The following CTCF variants were observed in gnomAD, a reference collection of about 807,000 sequenced individuals.
The protein encoded by CTCF is transcriptional repressor CTCF.
Under a neutral mutation model 72.3 loss-of-function variants are expected in CTCF, and 7 were observed. That is an observed-to-expected ratio of 0.10 (90% CI 0.06 to 0.18). The LOEUF (loss-of-function observed/expected upper bound fraction) is 0.18. CTCF is among the 10% of genes least tolerant of loss of function. CTCF has a pLI of 1.00. For synonymous variants in CTCF, 374 were observed against 315.8 expected (o/e 1.18, Z -1.95); for missense variants, 516 against 949.1 (o/e 0.54, Z 6.00).
chr16:67,569,746 C>T (rs929869691), intron 1 of CTCF, among the ~76,000 whole-genome samples: 1 of 150,722 alleles, frequency 6.6e-6, no homozygotes. Flanking sequence ...AGTGCAGTGG[C>T]GCGATCTCGG....
At chr16:67,591,315 C>T (rs1478227166) in intron 2 of CTCF, among the ~76,000 whole-genome samples, 4 of 152,046 alleles carry the variant, frequency 2.6e-5, no homozygotes, top group Non-Finnish European at 4.4e-5. Flanking sequence ...AAATTAATGT[C>T]AGAGAAGTGA....
chr16:67,623,925 G>A (rs1484782671), intron 7 of CTCF, among the ~76,000 whole-genome samples: 2 of 151,658 alleles, frequency 1.3e-5, no homozygotes, highest in Non-Finnish European at 2.9e-5. Flanking sequence ...GCACATGCCT[G>A]TAGTCCCAGG....
intron 1 of CTCF, among the ~76,000 whole-genome samples, chr16:67,569,654 C>G (rs1163098248): frequency 1.3e-5 from 2 of 151,266 alleles, no homozygotes; most frequent in African/African-American, 2.4e-5. Context: ...CTAGGATTTT[C>G]AAAGGTCAGT....
chr16:67,569,073 T>C (rs1335165668), intron 1 of CTCF, among the ~76,000 whole-genome samples: 1 of 152,048 alleles, frequency 6.6e-6, no homozygotes, highest in Non-Finnish European at 1.5e-5. Flanking sequence ...ACTCCTGACC[T>C]TGTGATCCGC....
chr16:67,621,902 G>C (rs1295959590), intron 7 of CTCF, among the ~76,000 whole-genome samples: 1 of 152,048 alleles, frequency 6.6e-6, no homozygotes, highest in African/African-American at 2.4e-5. Flanking sequence ...CCCCAAATAG[G>C]AAAGTAACAT....
chr16:67,580,913 G>C lies in CTCF; in HGVS notation c.-10+9649G>C, dbSNP rs1329725413. On this transcript the variant is annotated intron_variant, in intron 2 of 11. Coordinates refer to ENST00000264010, the MANE Select transcript of CTCF (RefSeq NM_006565.4). ...TTACAGGCGTGAGCCACCGCACCAGGATTTACTTATTTTTTATTTATTTAT... is the reference window on the plus strand; with the variant it reads ...TTACAGGCGTGAGCCACCGCACCAGCATTTACTTATTTTTTATTTATTTAT... 2.6e-5 allele frequency among the ~76,000 whole-genome samples: 4 copies of C among 151,520 alleles called. No homozygotes were observed. The East Asian group carries it at 5.8e-4, about 22-fold the overall frequency.
At position 67,619,619 on chromosome 16, in the gene CTCF, C is replaced by T. The variant is rs966160194; in HGVS notation, c.1087-1078C>T. Among the ~76,000 whole-genome samples the T allele has an allele frequency of 4.6e-5, 7 of 152,212 alleles. No homozygotes were observed. In the South Asian group the frequency reaches 8.3e-4, roughly 18 times the overall value. On this transcript the variant is annotated intron_variant, in intron 5 of 11. Coordinates refer to ENST00000264010, the MANE Select transcript of CTCF (RefSeq NM_006565.4). ...TGGCAGACAGGGTCTCTCACTCTGTCGCCCAGGCTGGACTGCAGTGGCGTG... is the reference window on the plus strand; with the variant it reads ...TGGCAGACAGGGTCTCTCACTCTGTTGCCCAGGCTGGACTGCAGTGGCGTG...
intron 2 of CTCF, among the ~76,000 whole-genome samples, chr16:67,599,206 C>T (rs2142785307): frequency 6.6e-6 from 1 of 152,208 alleles, no homozygotes; most frequent in Middle Eastern, 3.4e-3. Context: ...ACCATCCTGG[C>T]CAACGTGGTG....
rs146477357 is a variant in CTCF, at chr16:67,637,492, C to T, written c.2000-196C>T. The stretch of plus-strand genomic sequence containing the variant: ...GGTTGCAGTGAGCTGAGATCATGCC[C>T]GTGCACTCCAGCCTGGTCATAGAGC... On this transcript the variant is annotated intron_variant, in intron 11 of 11. Transcript: ENST00000264010. Among the ~76,000 whole-genome samples the T allele has an allele frequency of 3.5e-3, 536 of 152,124 alleles. 3 individuals are homozygous for T. The highest frequency in any genetic ancestry group is 0.012 in the African/African-American group (493 of 41,486).
intron 2 of CTCF, among the ~76,000 whole-genome samples, chr16:67,599,618 TC>T (rs932232510): frequency 6.6e-6 from 1 of 151,516 alleles, no homozygotes; most frequent in African/African-American, 2.4e-5. Flanking sequence ...CTCCTGTTCA[TC>T]ATCTACACAG....
chr16:67,638,222 T>A lies in CTCF; in HGVS notation c.*350T>A. On this transcript the variant is annotated 3_prime_UTR_variant, in exon 12 of 12. Coordinates refer to ENST00000264010, the MANE Select transcript of CTCF (RefSeq NM_006565.4). ...GGCCACCAGGCTTCCCAGAGTTCTA[T>A]GGTCTTCTTCCCAAGAGAGTTTTTA... The A allele has an allele frequency of 3.6e-6, 1 of 275,766 alleles. No individual in the cohort carries two copies. Among genetic ancestry groups the A allele is most frequent in the Non-Finnish European group, 6.9e-6 (1 of 145,834 alleles). The allele number at this position is 275,766 out of a possible 1,614,324, so 17.1% of individuals were successfully genotyped here.
At chr16:67,574,803 C>A (rs985386810) in intron 2 of CTCF, among the ~76,000 whole-genome samples, 1 of 151,612 alleles carries the variant, frequency 6.6e-6, no homozygotes, top group Non-Finnish European at 1.5e-5. Flanking sequence ...AGACTACATG[C>A]GCCCACCACC....
intron 10 of CTCF, among the ~76,000 whole-genome samples, chr16:67,630,529 C>T (rs2052349196): frequency 6.6e-6 from 1 of 152,142 alleles, no homozygotes; most frequent in African/African-American, 2.4e-5. Flanking sequence ...CAAAGATGGG[C>T]AGATCACTTG....
chr16:67,592,169 TG>T (rs2051753621), intron 2 of CTCF, among the ~76,000 whole-genome samples: 2 of 152,112 alleles, frequency 1.3e-5, no homozygotes, highest in Non-Finnish European at 2.9e-5. Context: ...CCCAGCACTT[TG>T]GGAGGATGAG....
At chr16:67,632,490 A>G (rs757983262) in intron 10 of CTCF, among the ~76,000 whole-genome samples, 7 of 152,172 alleles carry the variant, frequency 4.6e-5, no homozygotes, top group Non-Finnish European at 5.9e-5. Context: ...GCTCCATGCC[A>G]CTGTTGGCCA....
chr16:67,568,645 T>TA (rs1448370312), intron 1 of CTCF: 1 of 152,110 alleles, frequency 6.6e-6, no homozygotes, highest in Non-Finnish European at 1.5e-5. Flanking sequence ...CTGGGCCTCC[T>TA]AAAGTGCTGG....
intron 8 of CTCF, 24 bp downstream of exon 8, chr16:67,626,739 T>C (rs1187176777): frequency 1.4e-6 from 2 of 1,387,126 alleles, no homozygotes; most frequent in Non-Finnish European, 1.9e-6. Context: ...TTGAAAGTTG[T>C]TGGTGCTTTC....
intron 10 of CTCF, among the ~76,000 whole-genome samples, chr16:67,635,230 G>A (rs923798027): frequency 1.3e-5 from 2 of 151,522 alleles, no homozygotes; most frequent in African/African-American, 2.4e-5. Flanking sequence ...CCATGTTGAC[G>A]AGGATGGTCT....
intron 2 of CTCF, among the ~76,000 whole-genome samples, chr16:67,593,780 A>T (rs984919379): frequency 3.9e-5 from 6 of 152,200 alleles, no homozygotes; most frequent in Non-Finnish European, 7.3e-5. Context: ...GCAGTATATT[A>T]AAAAGTTGTG....
Sources: allele counts gnomAD v4.1 joint callset (sites outside exome capture counted in the v4.1 genomes callset), GRCh38; gene constraint gnomAD v4.1.1; transcripts MANE v1.5; gene names NCBI Gene and HGNC (gene_info 2026-07-23, HGNC 2026-07-21).